Variants in ZCCHC14 observed in about 807,000 individuals in gnomAD.
The protein encoded by ZCCHC14 is zinc finger CCHC-type containing 14.
ZCCHC14 carries 16 observed loss-of-function variants against 85.0 expected under a neutral mutation model. The observed-to-expected ratio is 0.19, with a 90% CI of 0.13 to 0.29. The LOEUF is 0.29. Ranked by LOEUF, ZCCHC14 falls within the 10% of genes least tolerant of loss-of-function variation. ZCCHC14 has a pLI of 1.00. For synonymous variants in ZCCHC14, 775 were observed against 630.7 expected (o/e 1.23, Z -3.43); for missense variants, 1,303 against 1,443.5 (o/e 0.90, Z 1.58).
At chr16:87,424,760 C>G (rs1462160100) in intron 3 of ZCCHC14, among the ~76,000 whole-genome samples, 1 of 151,954 alleles carries the variant, frequency 6.6e-6, no homozygotes. Flanking sequence ...TTCTGAAAGG[C>G]AAATAAGAAG....
intron 1 of ZCCHC14, among the ~76,000 whole-genome samples, chr16:87,463,098 A>C (rs1446287917): frequency 6.6e-6 from 1 of 150,938 alleles, no homozygotes; most frequent in African/African-American, 2.4e-5. Context: ...AAAAAGAAAC[A>C]CAGCTAGGTG....
In ZCCHC14 at chr16:87,423,884, T is replaced by C; in HGVS notation, c.769-3A>G. ...ATTGAAGAATCAGACCACAAGACCT[T>C]AAAAACAAACAAACAAACAAACCTT... On this transcript the variant is annotated splice_region_variant and splice_polypyrimidine_tract_variant and intron_variant, in intron 3 of 12. Coordinates refer to ENST00000671377, the MANE Select transcript of ZCCHC14 (RefSeq NM_015144.3). The C allele has an allele frequency of 6.2e-7, 1 of 1,613,734 alleles. No individual in the cohort carries two copies. Among genetic ancestry groups the C allele is most frequent in the Non-Finnish European group, 8.5e-7 (1 of 1,179,848 alleles).
chr16:87,443,639 A>G (rs1245104405), intron 2 of ZCCHC14, among the ~76,000 whole-genome samples: 2 of 152,210 alleles, frequency 1.3e-5, no homozygotes, highest in Non-Finnish European at 2.9e-5. Context: ...CGGGAGGCCA[A>G]GGCTGGGGGA....
chr16:87,449,217 G>A (rs1220606749), intron 2 of ZCCHC14, among the ~76,000 whole-genome samples: 1 of 152,170 alleles, frequency 6.6e-6, no homozygotes, highest in Non-Finnish European at 1.5e-5. Flanking sequence ...ACACACCCCA[G>A]GCATCTCTTA....
chr16:87,463,138 T>C (rs117161069), intron 1 of ZCCHC14, among the ~76,000 whole-genome samples: 2,618 of 152,196 alleles, frequency 0.017, 29 homozygotes, highest in Middle Eastern at 0.048. Flanking sequence ...CTCCAGCACT[T>C]TGGGAGGCCA....
At chr16:87,455,834 C>G (rs1028592137) in intron 2 of ZCCHC14, among the ~76,000 whole-genome samples, 1 of 152,188 alleles carries the variant, frequency 6.6e-6, no homozygotes, top group African/African-American at 2.4e-5. Context: ...CAATAGATTA[C>G]ATGAGTCAAA....
At chr16:87,472,878 ATTGTTT>A (rs1197800818) in intron 1 of ZCCHC14, 1 of 152,228 alleles carries the variant, frequency 6.6e-6, no homozygotes. Context: ...CGCCCGGCTA[ATTGTTT>A]TTATTTTTTG....
chr16:87,419,126 T>A (rs1908953676), intron 6 of ZCCHC14, among the ~76,000 whole-genome samples: 1 of 148,740 alleles, frequency 6.7e-6, no homozygotes, highest in East Asian at 2.0e-4. Flanking sequence ...CCGGCTAATT[T>A]TATATTTTTA....
rs979277384 is a variant in ZCCHC14 at position 87,464,526 on chromosome 16, G to C, written c.571-4395C>G. Among the ~76,000 whole-genome samples the C allele has an allele frequency of 3.3e-5, 5 of 152,268 alleles. 1 individual carries two copies. The highest frequency in any genetic ancestry group is 6.8e-3 in the Middle Eastern group (2 of 294). ...CAGACAGGAAGAGCTAAAGGCTGTAGGTCCGTCTGCCACAACCACAACTGG... is the reference window on the plus strand; with the variant it reads ...CAGACAGGAAGAGCTAAAGGCTGTACGTCCGTCTGCCACAACCACAACTGG... On this transcript the variant is annotated intron_variant, in intron 1 of 12. Transcript: ENST00000671377.
chr16:87,415,993 C>G (rs750333001), intron 8 of ZCCHC14, among the ~76,000 whole-genome samples: 3 of 152,118 alleles, frequency 2.0e-5, no homozygotes, highest in Admixed American at 1.3e-4. Context: ...GTGGTGCGAT[C>G]TCGGCTCACT....
chr16:87,424,252 G>A (rs902250329), intron 3 of ZCCHC14, among the ~76,000 whole-genome samples: 7 of 152,168 alleles, frequency 4.6e-5, no homozygotes, highest in Non-Finnish European at 1.0e-4. Flanking sequence ...ATGCAAGAGC[G>A]ACACATTCCC....
At chr16:87,458,871 G>A (rs1433802122) in intron 2 of ZCCHC14, among the ~76,000 whole-genome samples, 2 of 152,176 alleles carry the variant, frequency 1.3e-5, no homozygotes, top group African/African-American at 2.4e-5. Context: ...GGGGGCTCAG[G>A]ACCAGTGACC....
intron 1 of ZCCHC14, among the ~76,000 whole-genome samples, chr16:87,478,643 G>C (rs1912131287): frequency 6.7e-6 from 1 of 148,674 alleles, no homozygotes; most frequent in Admixed American, 6.7e-5. Context: ...GAGTCTCACT[G>C]TTGCCCAGGC....
chr16:87,478,307 C>G (rs566800913), intron 1 of ZCCHC14, among the ~76,000 whole-genome samples: 1 of 152,300 alleles, frequency 6.6e-6, no homozygotes, highest in African/African-American at 2.4e-5. Flanking sequence ...AATAAGCCAG[C>G]AAGAATTCCA....
chr16:87,430,792 G>A (rs780963267), intron 3 of ZCCHC14, among the ~76,000 whole-genome samples: 1 of 152,088 alleles, frequency 6.6e-6, no homozygotes, highest in Non-Finnish European at 1.5e-5. Flanking sequence ...AAAGTGCTGG[G>A]ATTACAGGTG....
chr16:87,412,782 G>T lies in ZCCHC14; in HGVS notation c.1939C>A (p.Leu647Met). Reference sequence around the variant, plus strand: ...CTTTCCGGCTTGTGCACGGAATTCAGCATGCGGATGGGTGTGATGTGTGAG... The same window carrying T: ...CTTTCCGGCTTGTGCACGGAATTCATCATGCGGATGGGTGTGATGTGTGAG... ...AASHITPIRM[L>M]NSVHKPERGS... The change falls in exon 12 of 13, where the codon CTG becomes ATG. Residue 647 changes from leucine (L) to methionine (M), a missense_variant. This residue lies in a region of ZCCHC14 where 797 missense variants were observed against 730.8 expected (regional missense o/e 1.09). Transcript: ENST00000671377. 1 of 1,613,814 alleles carries T rather than the reference G, an allele frequency of 6.2e-7. No homozygotes were observed. Among genetic ancestry groups the T allele is most frequent in the Non-Finnish European group, 8.5e-7 (1 of 1,179,804 alleles).
intron 1 of ZCCHC14, chr16:87,472,935 C>A: frequency 6.6e-6 from 1 of 152,160 alleles, no homozygotes; most frequent in Non-Finnish European, 1.5e-5. Flanking sequence ...GCTGGTCTTG[C>A]ACTACTGGCC....
At chr16:87,458,940 C>G (rs1369807952) in intron 2 of ZCCHC14, among the ~76,000 whole-genome samples, 1 of 152,198 alleles carries the variant, frequency 6.6e-6, no homozygotes, top group Non-Finnish European at 1.5e-5. Flanking sequence ...CTGCAAACCA[C>G]ACAAGCATTT....
chr16:87,474,836 C>T (rs1911929845), intron 1 of ZCCHC14, among the ~76,000 whole-genome samples: 1 of 152,250 alleles, frequency 6.6e-6, no homozygotes, highest in Non-Finnish European at 1.5e-5. Context: ...AGCCCTGCAA[C>T]AGGCAGGCAC....
Sources: gnomAD v4.1 joint callset for allele counts (sites outside exome capture counted in the v4.1 genomes callset) on GRCh38, gnomAD v4.1.1 for gene constraint, gnomAD v4.1.1 regional missense constraint, MANE v1.5 for transcripts, NCBI Gene and HGNC (gene_info 2026-07-23, HGNC 2026-07-21) for gene names.